The following HDAC9 variants were observed in gnomAD, a reference collection of about 807,000 sequenced individuals.
HDAC9 encodes the protein histone deacetylase 9.
Under a neutral mutation model 139.4 loss-of-function variants are expected in HDAC9, and 41 were observed. That is an observed-to-expected ratio of 0.29 (90% CI 0.23 to 0.38). HDAC9 has a LOEUF of 0.38. Ranked by LOEUF, HDAC9 falls within the 10% of genes least tolerant of loss-of-function variation. The probability of loss-of-function intolerance (pLI) is 1.00; values close to 1 mark genes in which losing one functional copy is unlikely to be tolerated. For synonymous variants in HDAC9, 517 were observed against 476.2 expected (o/e 1.09, Z -1.12); for missense variants, 1,147 against 1,297.0 (o/e 0.88, Z 1.78).
chr7:18,735,802 T>G (rs1214064411), intron 13 of HDAC9, among the ~76,000 whole-genome samples: 1 of 152,226 alleles, frequency 6.6e-6, no homozygotes, highest in African/African-American at 2.4e-5. Context: ...GGGATAGCAT[T>G]GAATCTATAA....
chr7:18,375,346 T>A (rs1007723871), intron 1 of HDAC9, among the ~76,000 whole-genome samples: 1 of 152,006 alleles, frequency 6.6e-6, no homozygotes, highest in African/African-American at 2.4e-5. Flanking sequence ...GGCACATGCT[T>A]GTAATCCCAG....
At chr7:18,125,409 A>G (rs1374671655) in intron 1 of HDAC9, among the ~76,000 whole-genome samples, 2 of 145,830 alleles carry the variant, frequency 1.4e-5, no homozygotes, top group Non-Finnish European at 3.0e-5. Context: ...GAATGTATAT[A>G]TACACTAACA....
intron 1 of HDAC9, among the ~76,000 whole-genome samples, chr7:18,343,736 C>G (rs1434804043): frequency 6.6e-6 from 1 of 151,784 alleles, no homozygotes; most frequent in Non-Finnish European, 1.5e-5. Context: ...AAATAACAAC[C>G]ATTTCCGCAT....
Position 18,360,952 on chromosome 7 carries a change from C to T in HDAC9, c.-42+70437C>T, listed in dbSNP as rs558685214. Among the ~76,000 whole-genome samples the T allele has an allele frequency of 1.3e-3, 205 of 152,202 alleles. 1 individual carries two copies. Among genetic ancestry groups the T allele is most frequent in the Non-Finnish European group, 2.2e-3 (148 of 68,006 alleles). On this transcript the variant is annotated intron_variant, in intron 1 of 3. Coordinates refer to the HDAC9 transcript ENST00000413509. Reference sequence around the variant, plus strand: ...TTAAAGAAATGGCAGAATAATTACCCTTGTCTGGGATCAGTTTTGTAACAT... The same window carrying T: ...TTAAAGAAATGGCAGAATAATTACCTTTGTCTGGGATCAGTTTTGTAACAT...
At position 18,756,381 on chromosome 7, in the gene HDAC9, G is replaced by A. The variant is rs1788878001; in HGVS notation, c.2044-5776G>A. Among the ~76,000 whole-genome samples, 6 of 152,268 alleles carry A rather than the reference G, an allele frequency of 3.9e-5. No homozygotes were observed. The South Asian group carries it at 1.2e-3, about 32-fold the overall frequency. ...TTATTTTGAAGTTGTCACAGGATAGGAATATGAGCTGTGAAAAATTCTCTT... is the reference window on the plus strand; with the variant it reads ...TTATTTTGAAGTTGTCACAGGATAGAAATATGAGCTGTGAAAAATTCTCTT... On this transcript the variant is annotated intron_variant, in intron 14 of 25. Transcript: ENST00000686413.
rs188495640 is a variant in HDAC9, at chr7:18,344,842, T to A, written c.-42+54327T>A. ...AGTTGAAGATTTTCTAGCAAAACTT[T>A]CTCTTTTTAACACTGAAAAAAATTC... On this transcript the variant is annotated intron_variant, in intron 1 of 3. Coordinates refer to the HDAC9 transcript ENST00000413509. Among the ~76,000 whole-genome samples, 66 of 152,126 alleles carry A rather than the reference T, an allele frequency of 4.3e-4. 1 individual carries two copies. The East Asian group carries it at 0.01, about 24-fold the overall frequency.
intron 13 of HDAC9, among the ~76,000 whole-genome samples, chr7:18,738,924 C>G (rs574073709): frequency 6.6e-6 from 1 of 152,338 alleles, no homozygotes; most frequent in South Asian, 2.1e-4. Flanking sequence ...GGTCTTTTCA[C>G]ATAGTCCCAT....
intron 1 of HDAC9, among the ~76,000 whole-genome samples, chr7:18,440,512 T>C (rs907975946): frequency 6.6e-6 from 1 of 152,120 alleles, no homozygotes; most frequent in African/African-American, 2.4e-5. Context: ...TGTAATTAAA[T>C]AGACTAGAAC....
chr7:18,668,492 C>G (rs912979995), intron 12 of HDAC9: 2 of 978,526 alleles, frequency 2.0e-6, no homozygotes, highest in Non-Finnish European at 2.4e-6. Context: ...GCTGAGCAGA[C>G]TTTTGTATAA....
At chr7:18,474,259 A>T (rs185628797) in intron 1 of HDAC9, among the ~76,000 whole-genome samples, 9 of 152,356 alleles carry the variant, frequency 5.9e-5, no homozygotes, top group African/African-American at 1.4e-4. Flanking sequence ...AGTTCTTAGT[A>T]CTATTCTTGT....
chr7:18,380,424 G>T (rs1024829792), intron 1 of HDAC9, among the ~76,000 whole-genome samples: 10 of 152,270 alleles, frequency 6.6e-5, no homozygotes, highest in Non-Finnish European at 1.5e-4. Flanking sequence ...ATCGTATATT[G>T]CAGTTTGGTT....
At chr7:18,608,626 T>A (rs562534624) in intron 6 of HDAC9, among the ~76,000 whole-genome samples, 2 of 152,182 alleles carry the variant, frequency 1.3e-5, no homozygotes, top group Non-Finnish European at 2.9e-5. Flanking sequence ...AATTATGAGA[T>A]ATTAAATTTT....
intron 1 of HDAC9, among the ~76,000 whole-genome samples, chr7:18,374,813 A>G (rs113840665): frequency 2.0e-5 from 3 of 152,232 alleles, no homozygotes; most frequent in African/African-American, 7.2e-5. Flanking sequence ...TGGGTCAATG[A>G]CAGATGGTAT....
rs141213154 is a variant in HDAC9 at position 18,609,876 on chromosome 7, C to T, written c.664+15847C>T. Among the ~76,000 whole-genome samples, 597 of 150,188 alleles carry T rather than the reference C, an allele frequency of 4.0e-3. 3 individuals carry two copies. Among genetic ancestry groups the T allele is most frequent in the African/African-American group, 0.014 (569 of 40,884 alleles). ...GTTCCCACCTATGAGTGAGAACATG[C>T]GGTGTTTGGGTTTTTGTCCTTGCGA... On this transcript the variant is annotated intron_variant, in intron 6 of 25. Transcript: ENST00000686413.
chr7:18,902,216 A>G (rs1444668674), intron 22 of HDAC9, among the ~76,000 whole-genome samples: 1 of 152,148 alleles, frequency 6.6e-6, no homozygotes, highest in African/African-American at 2.4e-5. Context: ...TTCTCTTACA[A>G]CTTGAAAACG....
intron 1 of HDAC9, among the ~76,000 whole-genome samples, chr7:18,119,534 G>A (rs1412069049): frequency 1.3e-5 from 2 of 152,112 alleles, no homozygotes; most frequent in Admixed American, 6.6e-5. Context: ...GAGAACTGTC[G>A]GTCTTCTGAA....
At chr7:18,311,244 G>A (rs928406342) in intron 1 of HDAC9, among the ~76,000 whole-genome samples, 2 of 151,982 alleles carry the variant, frequency 1.3e-5, no homozygotes, top group East Asian at 3.9e-4. Context: ...GCCTACTTAT[G>A]ACAAAAGCCT....
rs1562893537 is a variant in HDAC9 at position 18,732,908 on chromosome 7, C to CGTATGTGTACACACACACGTGTGTAT, written c.1909+5160_1909+5161insCACACACACGTGTGTATGTATGTGTA. On this transcript the variant is annotated intron_variant, in intron 13 of 25. Transcript: ENST00000686413. ...GCGTATGTGTACACACACACGTGTG[C>CGTATGTGTACACACACACGTGTGTAT]GTATGTGTATACACACGTGTGTATG... 7.9e-5 allele frequency among the ~76,000 whole-genome samples: 5 copies of CGTATGTGTACACACACACGTGTGTAT among 63,074 alleles called. 1 individual carries two copies. The highest frequency in any genetic ancestry group is 9.7e-5 in the African/African-American group (1 of 10,320). 41.4% of individuals were successfully genotyped at this position (63,074 alleles called of 152,430 possible). A position where few individuals can be genotyped will look rare whatever the true frequency, so the allele number is the denominator to read the frequency against.
intron 2 of HDAC9, among the ~76,000 whole-genome samples, chr7:18,185,465 T>C (rs542590912): frequency 2.6e-4 from 39 of 152,330 alleles, no homozygotes; most frequent in Admixed American, 1.0e-3. Flanking sequence ...TCCTTACCAT[T>C]TAGGAGATGA....
Sources: allele counts gnomAD v4.1 joint callset (sites outside exome capture counted in the v4.1 genomes callset), GRCh38; gene constraint gnomAD v4.1.1; transcripts MANE v1.5; gene names NCBI Gene and HGNC (gene_info 2026-07-23, HGNC 2026-07-21).